Variants in TENM3 observed in about 807,000 individuals in gnomAD.
TENM3 encodes teneurin-3.
In TENM3, 63 loss-of-function variants were observed where a neutral mutation model predicts 255.1. That is an observed-to-expected ratio of 0.25 (90% CI 0.20 to 0.30). The LOEUF (loss-of-function observed/expected upper bound fraction) is 0.30. Among genes scored for constraint, TENM3 ranks in the 10% least tolerant of loss-of-function variants. The pLI, the probability that TENM3 is intolerant of heterozygous loss-of-function variation, is 1.00. For missense variants in TENM3, 2,929 were observed against 3,461.1 expected (o/e 0.85, Z 3.86); for synonymous variants, 1,306 against 1,322.3 (o/e 0.99, Z 0.27).
At chr4:182,083,745 C>T in the TENM3 span, among the ~76,000 whole-genome samples, 2 of 152,086 alleles carry the variant, frequency 1.3e-5, no homozygotes, top group African/African-American at 4.8e-5. Context: ...TTTTAATATA[C>T]AGGGCAGGGT....
intron 3 of TENM3, among the ~76,000 whole-genome samples, chr4:182,515,130 T>C (rs540149209): frequency 1.6e-4 from 24 of 152,278 alleles, no homozygotes; most frequent in African/African-American, 5.3e-4. Context: ...TCAGTAGTGT[T>C]CTGGGGGAGA....
At chr4:182,442,527 T>C (rs1469494883) in intron 3 of TENM3, among the ~76,000 whole-genome samples, 1 of 152,194 alleles carries the variant, frequency 6.6e-6, no homozygotes, top group Non-Finnish European at 1.5e-5. Flanking sequence ...AACAAAGTAC[T>C]TATAGTAATA....
chr4:182,138,153 T>C, the TENM3 span, among the ~76,000 whole-genome samples: 1 of 152,218 alleles, frequency 6.6e-6, no homozygotes, highest in African/African-American at 2.4e-5. Flanking sequence ...ATTTCCATTC[T>C]ACTGAAAGTG....
the TENM3 span, among the ~76,000 whole-genome samples, chr4:182,011,767 A>C: frequency 2.0e-5 from 3 of 152,306 alleles, no homozygotes; most frequent in East Asian, 5.8e-4. Flanking sequence ...GGTGGAGTCT[A>C]TTCAGCTTTC....
chr4:181,679,823 G>A, the TENM3 span, among the ~76,000 whole-genome samples: 1 of 152,116 alleles, frequency 6.6e-6, no homozygotes, highest in East Asian at 1.9e-4. Context: ...TGGAAATAAA[G>A]TGGGAGTTTG....
chr4:181,491,625 G>A, the TENM3 span, among the ~76,000 whole-genome samples: 14,117 of 152,000 alleles, frequency 0.093, 816 homozygotes, highest in South Asian at 0.23. Flanking sequence ...TAAAGATATA[G>A]ATACAGAAAT....
chr4:182,114,742 G>A, the TENM3 span, among the ~76,000 whole-genome samples: 29 of 152,136 alleles, frequency 1.9e-4, no homozygotes, highest in Non-Finnish European at 2.9e-5. Context: ...CTAGGTTTGT[G>A]TTTAGTTGTT....
At chr4:182,124,615 G>A in the TENM3 span, among the ~76,000 whole-genome samples, 1 of 152,178 alleles carries the variant, frequency 6.6e-6, no homozygotes, top group Non-Finnish European at 1.5e-5. Context: ...CTGAAAAGGC[G>A]TGGCCAGTAT....
chr4:181,475,856 C>T, the TENM3 span, among the ~76,000 whole-genome samples: 1 of 152,162 alleles, frequency 6.6e-6, no homozygotes, highest in Non-Finnish European at 1.5e-5. Context: ...TCACTTAAAA[C>T]ATTTCTACCC....
chr4:182,682,687 C>A (rs1047216956), intron 11 of TENM3, among the ~76,000 whole-genome samples: 2 of 151,998 alleles, frequency 1.3e-5, no homozygotes, highest in Non-Finnish European at 2.9e-5. Context: ...TATACATGCA[C>A]ATACTCACAT....
chr4:181,998,601 G>A, the TENM3 span, among the ~76,000 whole-genome samples: 1 of 151,936 alleles, frequency 6.6e-6, no homozygotes, highest in Non-Finnish European at 1.5e-5. Context: ...AGAGGTTCTA[G>A]GGGACTACTT....
At chr4:182,779,527 A>G (rs1012203608) in intron 24 of TENM3, among the ~76,000 whole-genome samples, 24 of 152,306 alleles carry the variant, frequency 1.6e-4, no homozygotes, top group Admixed American at 7.2e-4. Flanking sequence ...ATACGTGTGC[A>G]TGTGTCTTTA....
At chr4:182,155,419 ATCT>A (rs1188086812) in intron 1 of TENM3, among the ~76,000 whole-genome samples, 14 of 152,086 alleles carry the variant, frequency 9.2e-5, no homozygotes, top group African/African-American at 1.9e-4. Context: ...GTTCTGCGTC[ATCT>A]TCTCAAATAT....
chr4:182,119,509 A>G, the TENM3 span, among the ~76,000 whole-genome samples: 96 of 152,128 alleles, frequency 6.3e-4, no homozygotes, highest in Non-Finnish European at 1.1e-3. Context: ...CCACGGATAC[A>G]GAGAATTGTG....
the TENM3 span, among the ~76,000 whole-genome samples, chr4:182,108,158 G>A: frequency 3.9e-5 from 6 of 152,222 alleles, no homozygotes; most frequent in Non-Finnish European, 7.4e-5. Flanking sequence ...AGCCTGCACC[G>A]TACCCTGCTA....
At chr4:181,763,653 A>G in the TENM3 span, among the ~76,000 whole-genome samples, 1 of 152,208 alleles carries the variant, frequency 6.6e-6, no homozygotes, top group African/African-American at 2.4e-5. Flanking sequence ...TTGAGTAATC[A>G]CAACAGACAC....
intron 1 of TENM3, among the ~76,000 whole-genome samples, chr4:182,311,316 A>G (rs1412131513): frequency 1.3e-5 from 2 of 152,220 alleles, no homozygotes; most frequent in South Asian, 4.1e-4. Flanking sequence ...ATCTCTGCAA[A>G]TGTAATTTTC....
At chr4:182,702,793 A>G (rs532006549) in intron 12 of TENM3, among the ~76,000 whole-genome samples, 4 of 149,996 alleles carry the variant, frequency 2.7e-5, no homozygotes, top group Non-Finnish European at 5.9e-5. Context: ...GCTGGAGTGC[A>G]GTGGTGCGAT....
chr4:181,630,980 C>G, the TENM3 span, among the ~76,000 whole-genome samples: 2 of 152,142 alleles, frequency 1.3e-5, no homozygotes, highest in Non-Finnish European at 2.9e-5. Context: ...TTTGTGAACT[C>G]AGGGCAGATT....
Sources: gnomAD v4.1 joint callset for allele counts (sites outside exome capture counted in the v4.1 genomes callset) on GRCh38, gnomAD v4.1.1 for gene constraint, MANE v1.5 for transcripts, NCBI Gene and HGNC (gene_info 2026-07-23, HGNC 2026-07-21) for gene names.